ARHGAP10: variants seen among roughly 807,000 people sequenced by gnomAD.
ARHGAP10 encodes the protein Rho GTPase activating protein 10.
A neutral mutation model predicts 108.6 loss-of-function variants in ARHGAP10; 87 were observed. The ratio of observed to expected loss-of-function variants is 0.80; its 90% CI spans 0.67 to 0.96. ARHGAP10 has a LOEUF of 0.96. ARHGAP10 is among the 40% of genes least tolerant of loss of function. The pLI is 0.00. For synonymous variants in ARHGAP10, 347 were observed against 341.1 expected (o/e 1.02, Z -0.19); for missense variants, 939 against 954.5 (o/e 0.98, Z 0.21).
At chr4:148,052,932 C>T (rs1729207896) in intron 20 of ARHGAP10, among the ~76,000 whole-genome samples, 1 of 152,054 alleles carries the variant, frequency 6.6e-6, no homozygotes, top group Admixed American at 6.6e-5. Context: ...GGAGTAGAAC[C>T]TTTGGCTTTA....
At chr4:147,841,989 G>T (rs1450900100) in intron 3 of ARHGAP10, among the ~76,000 whole-genome samples, 1 of 152,168 alleles carries the variant, frequency 6.6e-6, no homozygotes, top group African/African-American at 2.4e-5. Flanking sequence ...CTAGAGTGCA[G>T]TGGTGCAATC....
chr4:147,732,394 G>T lies in ARHGAP10; in HGVS notation c.93G>T (p.Arg31Ser), dbSNP rs766911722. 1 of 1,613,596 alleles carries T rather than the reference G, an allele frequency of 6.2e-7. No individual in the cohort carries two copies. The highest frequency in any genetic ancestry group is 8.5e-7 in the Non-Finnish European group (1 of 1,179,700). ...GCGCTCACGAAGCGGAACTCGAGAG[G>T]ACCAACAAGTTCATCAAAGAGCTCA... ...RIRAHEAELERTNKFIKELIK... is the reference protein window; with the variant it reads ...RIRAHEAELESTNKFIKELIK... Residue 31 changes from arginine (R) to serine (S), a missense_variant, in exon 1 of 23, where the codon AGG becomes AGT. Coordinates refer to ENST00000336498, the MANE Select transcript of ARHGAP10 (RefSeq NM_024605.4).
At position 147,965,329 on chromosome 4, in the gene ARHGAP10, A is replaced by G. The variant is rs72959754; in HGVS notation, c.1556+200A>G. ...TAATTATTTGCTTAACATCTCTGCC[A>G]GCAACTCAGGGTTTGATTTGAAGTG... On this transcript the variant is annotated intron_variant, in intron 17 of 22. Coordinates refer to ENST00000336498, the MANE Select transcript of ARHGAP10 (RefSeq NM_024605.4). Among the ~76,000 whole-genome samples the G allele has an allele frequency of 6.4e-3, 974 of 152,302 alleles. 5 individuals are homozygous for G. The highest frequency in any genetic ancestry group is 0.022 in the African/African-American group (902 of 41,548).
intron 7 of ARHGAP10, among the ~76,000 whole-genome samples, chr4:147,870,001 TGTGTGTGTGTGTGTGTGTG>T (rs1734744386): frequency 3.5e-5 from 5 of 144,506 alleles, no homozygotes; most frequent in Non-Finnish European, 4.5e-5. Flanking sequence ...TCCCAGTTTG[TGTGTGTGTGTGTGTGTGTG>T]TGTGTGTGTG....
intron 3 of ARHGAP10, among the ~76,000 whole-genome samples, chr4:147,837,641 C>G (rs371204219): frequency 0.034 from 506 of 14,722 alleles, 3 homozygotes; most frequent in Non-Finnish European, 0.18. Context: ...TCTCTGGTCA[C>G]TGTTTTTTTT....
At chr4:147,794,871 C>A (rs1177303163) in intron 1 of ARHGAP10, among the ~76,000 whole-genome samples, 1 of 152,114 alleles carries the variant, frequency 6.6e-6, no homozygotes, top group East Asian at 1.9e-4. Context: ...GACAGTGTAA[C>A]CAGTTCCCCT....
intron 18 of ARHGAP10, among the ~76,000 whole-genome samples, chr4:148,009,214 T>C (rs1741076529): frequency 6.6e-6 from 1 of 151,844 alleles, no homozygotes; most frequent in African/African-American, 2.4e-5. Flanking sequence ...CACTGCAACC[T>C]CTGGCCTCCC....
intron 1 of ARHGAP10, among the ~76,000 whole-genome samples, chr4:147,811,592 A>T (rs1258718175): frequency 1.4e-5 from 2 of 139,548 alleles, no homozygotes; most frequent in African/African-American, 5.8e-5. Context: ...GCTTTTTTTA[A>T]AAAAAAAAAA....
At chr4:147,954,756 A>G (rs1474097697) in intron 15 of ARHGAP10, among the ~76,000 whole-genome samples, 1 of 151,980 alleles carries the variant, frequency 6.6e-6, no homozygotes, top group Non-Finnish European at 1.5e-5. Flanking sequence ...ACCTTATGTA[A>G]CTTGTTTTGT....
At chr4:147,821,140 G>A (rs1732482880) in intron 1 of ARHGAP10, among the ~76,000 whole-genome samples, 1 of 152,138 alleles carries the variant, frequency 6.6e-6, no homozygotes, top group South Asian at 2.1e-4. Context: ...GTGAGCCGGC[G>A]AGCCTGGGCT....
chr4:147,875,006 T>C lies in ARHGAP10; in HGVS notation c.703-15T>C, dbSNP rs913418911. On this transcript the variant is annotated splice_polypyrimidine_tract_variant and intron_variant, in intron 7 of 22. Coordinates refer to ENST00000336498, the MANE Select transcript of ARHGAP10 (RefSeq NM_024605.4). ...GAGAACTTAACATTTATGTGTGTTT[T>C]TTAATCCATTTCAGACACGGAATCG... 6.4e-7 allele frequency: 1 copy of C among 1,565,272 alleles called. No homozygotes were observed. Among genetic ancestry groups the C allele is most frequent in the African/African-American group, 1.4e-5 (1 of 72,614 alleles).
intron 20 of ARHGAP10, among the ~76,000 whole-genome samples, chr4:148,062,448 C>T (rs1729663348): frequency 6.6e-6 from 1 of 152,204 alleles, no homozygotes; most frequent in Non-Finnish European, 1.5e-5. Flanking sequence ...AAGGGAATGT[C>T]ATAAACCATA....
At chr4:147,792,043 T>G (rs1295480626) in intron 1 of ARHGAP10, among the ~76,000 whole-genome samples, 1 of 152,134 alleles carries the variant, frequency 6.6e-6, no homozygotes, top group Non-Finnish European at 1.5e-5. Context: ...CACGTGAGAG[T>G]AGAATTGCTG....
At chr4:148,030,125 A>G (rs1464682165) in intron 19 of ARHGAP10, among the ~76,000 whole-genome samples, 1 of 152,114 alleles carries the variant, frequency 6.6e-6, no homozygotes, top group African/African-American at 2.4e-5. Flanking sequence ...GGAAAAAAAA[A>G]AAGCTTATTT....
chr4:147,855,682 GTTTTTTTTTTTTTT>G (rs566406361), intron 4 of ARHGAP10, among the ~76,000 whole-genome samples: 1 of 124,780 alleles, frequency 8.0e-6, no homozygotes, highest in African/African-American at 3.0e-5. Context: ...TTGTCAGATG[GTTTTTTTTTTTTTT>G]TTTTTTTTAA....
At position 147,879,265 on chromosome 4, in the gene ARHGAP10, A is replaced by T; in HGVS notation, c.866A>T (p.His289Leu). The T allele has an allele frequency of 6.2e-7, 1 of 1,614,042 alleles. No homozygotes were observed. The highest frequency in any genetic ancestry group is 1.7e-5 in the Admixed American group (1 of 59,992). The change falls in exon 9 of 23, where the codon CAC becomes CTC. Residue 289 changes from histidine to leucine, a missense_variant. Physicochemically the swap from His to Leu is moderately conservative, Grantham distance 99 (BLOSUM62 -3). Coordinates refer to ENST00000336498, the MANE Select transcript of ARHGAP10 (RefSeq NM_024605.4). Reference sequence around the variant, plus strand: ...CCGTTTGGTTCCAGTTGGGTCAAACACTATTGCATGTATCGAAAAGCAGCA... The same window carrying T: ...CCGTTTGGTTCCAGTTGGGTCAAACTCTATTGCATGTATCGAAAAGCAGCA... The part of the protein sequence containing the change: ...PAPFGSSWVK[H>L]YCMYRKAAKK...
At position 147,965,098 on chromosome 4, in the gene ARHGAP10, A is replaced by G. The variant is rs952525152; in HGVS notation, c.1525A>G (p.Met509Val). 2.8e-5 allele frequency: 45 copies of G among 1,605,666 alleles called. No individual in the cohort carries two copies. The highest frequency in any genetic ancestry group is 1.1e-5 in the Non-Finnish European group (13 of 1,175,922). Residue 509 changes from methionine (M) to valine (V), a missense_variant, in exon 17 of 23, where the codon ATG becomes GTG. Coordinates refer to ENST00000336498, the MANE Select transcript of ARHGAP10 (RefSeq NM_024605.4). ...CAAACTGCCAGAGAAGAATAAAGAG[A>G]TGTTGGATATTTTGGTGAAACACTT... The part of the protein sequence containing the change: ...VHKLPEKNKE[M>V]LDILVKHLTN...
chr4:147,821,951 A>G (rs914817061), intron 1 of ARHGAP10, among the ~76,000 whole-genome samples: 16 of 152,220 alleles, frequency 1.1e-4, no homozygotes, highest in African/African-American at 2.4e-4. Context: ...ATTACTCAAC[A>G]TCTTTGAGGT....
At chr4:147,827,773 T>G (rs952176606) in intron 3 of ARHGAP10, among the ~76,000 whole-genome samples, 1 of 152,120 alleles carries the variant, frequency 6.6e-6, no homozygotes, top group African/African-American at 2.4e-5. Flanking sequence ...AGTCTAAAAT[T>G]GGTTCCAAGG....
Sources: gnomAD v4.1 joint callset for allele counts (sites outside exome capture counted in the v4.1 genomes callset) on GRCh38, gnomAD v4.1.1 for gene constraint, MANE v1.5 for transcripts, NCBI Gene and HGNC (gene_info 2026-07-23, HGNC 2026-07-21) for gene names.